Variants in MCU observed in about 807,000 individuals in gnomAD.
MCU encodes the protein mitochondrial calcium uniporter.
Under a neutral mutation model 45.2 loss-of-function variants are expected in MCU, and 12 were observed. The observed-to-expected ratio is 0.27, with a 90% CI of 0.17 to 0.43. The LOEUF is 0.43. MCU is among the 20% of genes least tolerant of loss of function. The pLI is 1.00. For synonymous variants in MCU, 160 were observed against 165.1 expected, an observed-to-expected ratio of 0.97 and a Z score of 0.24; for missense variants, 324 against 436.7, an observed-to-expected ratio of 0.74 and a Z score of 2.30.
intron 1 of MCU, among the ~76,000 whole-genome samples, chr10:72,759,554 A>C (rs960444229): frequency 1.3e-5 from 2 of 152,182 alleles, no homozygotes; most frequent in Admixed American, 1.3e-4. Context: ...TTAATCTTAT[A>C]AACTTAGCAT....
intron 6 of MCU, among the ~76,000 whole-genome samples, chr10:72,874,731 C>T (rs769231038): frequency 9.9e-5 from 15 of 152,202 alleles, no homozygotes; most frequent in Non-Finnish European, 2.1e-4. Flanking sequence ...CTGATCACAG[C>T]TCTGGGCATG....
intron 1 of MCU, among the ~76,000 whole-genome samples, chr10:72,820,791 C>A (rs937646470): frequency 2.0e-5 from 3 of 152,136 alleles, no homozygotes; most frequent in Non-Finnish European, 4.4e-5. Flanking sequence ...GAATTACAGG[C>A]GTGAGCCACC....
intron 1 of MCU, among the ~76,000 whole-genome samples, chr10:72,775,192 G>A (rs561194529): frequency 4.6e-5 from 7 of 152,138 alleles, no homozygotes; most frequent in Middle Eastern, 6.8e-3. Flanking sequence ...ATAATATCAA[G>A]TATCTTTTCT....
At chr10:72,809,736 A>G (rs1282354192) in intron 1 of MCU, among the ~76,000 whole-genome samples, 2 of 152,198 alleles carry the variant, frequency 1.3e-5, no homozygotes, top group African/African-American at 4.8e-5. Flanking sequence ...AATAAGTATG[A>G]AAAAACAAGG....
At chr10:72,798,921 T>G (rs2132776858) in intron 1 of MCU, among the ~76,000 whole-genome samples, 1 of 152,246 alleles carries the variant, frequency 6.6e-6, no homozygotes, top group African/African-American at 2.4e-5. Context: ...GTTGTGTATG[T>G]GGATCAACTT....
At chr10:72,880,875 C>T (rs2132900387) in intron 6 of MCU, among the ~76,000 whole-genome samples, 1 of 152,288 alleles carries the variant, frequency 6.6e-6, no homozygotes, top group Admixed American at 6.5e-5. Context: ...TGCCTATAAT[C>T]CCAGTGCTTT....
chr10:72,710,624 T>G (rs1453464146), intron 1 of MCU, among the ~76,000 whole-genome samples: 1 of 134,742 alleles, frequency 7.4e-6, no homozygotes, highest in Non-Finnish European at 1.5e-5. Flanking sequence ...CAATCAGACA[T>G]ACAAGGACAA....
At chr10:72,721,421 C>T (rs923821439) in intron 1 of MCU, among the ~76,000 whole-genome samples, 6 of 152,162 alleles carry the variant, frequency 3.9e-5, no homozygotes, top group African/African-American at 4.8e-5. Flanking sequence ...CAGTCAATAT[C>T]GGCTTCAGCA....
chr10:72,868,338 C>T (rs1038913118), intron 4 of MCU, among the ~76,000 whole-genome samples: 5 of 152,040 alleles, frequency 3.3e-5, no homozygotes, highest in African/African-American at 9.7e-5. Context: ...CGCTTGAGCC[C>T]GGGAGTTCGA....
At chr10:72,826,224 C>T (rs1169734409) in intron 1 of MCU, among the ~76,000 whole-genome samples, 2 of 152,068 alleles carry the variant, frequency 1.3e-5, no homozygotes, top group African/African-American at 2.4e-5. Flanking sequence ...GCTGATGCCC[C>T]AGGTCCATGG....
chr10:72,745,938 T>G (rs1843409460), intron 1 of MCU, among the ~76,000 whole-genome samples: 1 of 152,204 alleles, frequency 6.6e-6, no homozygotes. Flanking sequence ...TTGTGAACCA[T>G]TACCACTATC....
chr10:72,704,471 A>G (rs889136119), intron 1 of MCU, among the ~76,000 whole-genome samples: 1 of 151,926 alleles, frequency 6.6e-6, no homozygotes, highest in Non-Finnish European at 1.5e-5. Context: ...TTAAAACTGT[A>G]CTGACCTGCT....
At chr10:72,763,797 A>G (rs1843688044) in intron 1 of MCU, among the ~76,000 whole-genome samples, 1 of 152,164 alleles carries the variant, frequency 6.6e-6, no homozygotes, top group African/African-American at 2.4e-5. Context: ...GTATCTTTAT[A>G]TATAATTCAG....
intron 1 of MCU, among the ~76,000 whole-genome samples, chr10:72,793,789 C>T (rs990660893): frequency 3.9e-5 from 6 of 152,084 alleles, no homozygotes; most frequent in Middle Eastern, 3.4e-3. Context: ...CCAAAAGATC[C>T]GGGTGTGTTG....
intron 1 of MCU, among the ~76,000 whole-genome samples, chr10:72,793,915 T>C (rs1844205803): frequency 6.6e-6 from 1 of 152,218 alleles, no homozygotes; most frequent in Non-Finnish European, 1.5e-5. Context: ...GATCATACTG[T>C]GAGCTGAGCA....
At chr10:72,779,930 T>C (rs1308982685) in intron 1 of MCU, among the ~76,000 whole-genome samples, 1 of 152,166 alleles carries the variant, frequency 6.6e-6, no homozygotes, top group Non-Finnish European at 1.5e-5. Context: ...CTTGTAAATA[T>C]GTATATACCC....
At chr10:72,811,894 C>T (rs1184896434) in intron 1 of MCU, among the ~76,000 whole-genome samples, 1 of 151,858 alleles carries the variant, frequency 6.6e-6, no homozygotes, top group Non-Finnish European at 1.5e-5. Context: ...CTGTCTTTTC[C>T]TTTATTACAG....
intron 1 of MCU, among the ~76,000 whole-genome samples, chr10:72,733,779 G>A (rs1409998664): frequency 6.7e-6 from 1 of 150,340 alleles, no homozygotes; most frequent in Non-Finnish European, 1.5e-5. Context: ...AGCCTTTCTG[G>A]TAGTTTAATT....
chr10:72,792,879 C>CT (rs895855745), intron 1 of MCU, among the ~76,000 whole-genome samples: 31 of 145,424 alleles, frequency 2.1e-4, no homozygotes, highest in Non-Finnish European at 2.6e-4. Context: ...CACTGCCTTT[C>CT]TTTTTTTTTT....
Sources: allele counts gnomAD v4.1 joint callset (sites outside exome capture counted in the v4.1 genomes callset), GRCh38; gene constraint gnomAD v4.1.1; transcripts MANE v1.5; gene names NCBI Gene and HGNC (gene_info 2026-07-23, HGNC 2026-07-21).